Variants in MACF1 observed in about 807,000 individuals in gnomAD.
The protein encoded by MACF1 is microtubule-actin cross-linking factor 1.
MACF1 carries 193 observed loss-of-function variants against 854.8 expected under a neutral mutation model. The observed-to-expected ratio is 0.23, with a 90% confidence interval of 0.20 to 0.25. The LOEUF is 0.25. Among genes scored for constraint, MACF1 ranks in the 10% least tolerant of loss-of-function variants. The pLI is 1.00. For missense variants in MACF1, 7,722 were observed against 8,929.1 expected (o/e 0.86, Z 5.45); for synonymous variants, 3,185 against 3,226.7 (o/e 0.99, Z 0.44).
intron 52 of MACF1, among the ~76,000 whole-genome samples, chr1:39,377,097 G>C (rs1190657287): frequency 6.6e-6 from 1 of 151,986 alleles, no homozygotes; most frequent in Non-Finnish European, 1.5e-5. Context: ...TGCAACCTCT[G>C]CCTCCCGGGT....
In MACF1 at chr1:39,225,702, C is replaced by T. The variant is rs565756218; in HGVS notation, c.110-5480C>T. Among the ~76,000 whole-genome samples, 5 of 152,226 alleles carry T rather than the reference C, an allele frequency of 3.3e-5. No homozygotes were observed. In the South Asian group the frequency reaches 1.0e-3, roughly 32 times the overall value. On this transcript the variant is annotated intron_variant, in intron 1 of 100. Coordinates refer to ENST00000564288, the MANE Select transcript of MACF1 (RefSeq NM_001394062.1). ...TTGGTGGGGCTGAGATTATAAAGAA[C>T]ATTAAAATGAATATTGCCTTTTCTT... is the stretch of plus-strand genomic sequence containing the variant.
upstream of MACF1, among the ~76,000 whole-genome samples, chr1:39,201,333 A>G (rs536006452): frequency 1.3e-5 from 2 of 152,144 alleles, no homozygotes; most frequent in South Asian, 2.1e-4. Flanking sequence ...ATCTCTCAGT[A>G]GTATGATCTC....
At position 39,178,045 on chromosome 1, in the gene MACF1, A is replaced by G. The variant is rs562539896; in HGVS notation, c.221-53137A>G. Reference sequence around the variant, plus strand: ...CTGTCAGGGAAATCTTTAGGCTGTCAGGGAAATCTTTATTCCCCATTGTCT... The same window carrying G: ...CTGTCAGGGAAATCTTTAGGCTGTCGGGGAAATCTTTATTCCCCATTGTCT... On this transcript the variant is annotated intron_variant, in intron 2 of 93. Transcript: ENST00000361689. Among the ~76,000 whole-genome samples the G allele has an allele frequency of 2.0e-5, 3 of 151,930 alleles. No individual in the cohort carries two copies. In the South Asian group the frequency reaches 6.3e-4, roughly 32 times the overall value.
chr1:39,324,855 A>C, intron 35 of MACF1, 121 bp downstream of exon 35: 1 of 692,042 alleles, frequency 1.4e-6, no homozygotes, highest in South Asian at 2.0e-5. Context: ...GATTATGGGG[A>C]CCCTGTAGTT....
At chr1:39,411,411 C>G (rs1364504107) in intron 58 of MACF1, 2 of 1,614,056 alleles carry the variant, frequency 1.2e-6, no homozygotes, top group Non-Finnish European at 1.7e-6. Flanking sequence ...TAGCTGCTGT[C>G]TTGAGGACTT....
intron 2 of MACF1, among the ~76,000 whole-genome samples, chr1:39,123,859 G>A (rs556560359): frequency 6.6e-6 from 1 of 151,572 alleles, no homozygotes; most frequent in South Asian, 2.1e-4. Context: ...GAGTAGCTGG[G>A]GATTATAGGC....
chr1:39,111,436 G>T (rs1642401027), intron 2 of MACF1, among the ~76,000 whole-genome samples: 1 of 152,042 alleles, frequency 6.6e-6, no homozygotes, highest in African/African-American at 2.4e-5. Flanking sequence ...AGGCTGGAGT[G>T]CAGTGGTGCG....
At chr1:39,366,743 G>A (rs1648747134) in intron 49 of MACF1, among the ~76,000 whole-genome samples, 1 of 149,182 alleles carries the variant, frequency 6.7e-6, no homozygotes. Flanking sequence ...TATCCAGGCT[G>A]GAGTGCTATG....
chr1:39,460,614 C>T lies in MACF1; in HGVS notation c.21361-18C>T, dbSNP rs754710624. 4.3e-6 allele frequency: 7 copies of T among 1,613,372 alleles called. No homozygotes were observed. In the South Asian group the frequency reaches 7.7e-5, roughly 18 times the overall value. On this transcript the variant is annotated intron_variant, in intron 91 of 100. Coordinates refer to ENST00000564288, the MANE Select transcript of MACF1 (RefSeq NM_001394062.1). The surrounding 1 kb of genome is among the most constrained non-coding windows in gnomAD (Gnocchi z 4.1). The stretch of plus-strand genomic sequence containing the variant: ...GCCCAAAAAATAAATCTTATTGACA[C>T]TTCTGATTTCTGTGTAGTTGAAAGA...
At chr1:39,285,500 C>CT (rs75602935) in intron 13 of MACF1, 104 bp from the exon 14 acceptor site, 161,281 of 1,278,482 alleles carry the variant, frequency 0.13, 292 homozygotes, top group Non-Finnish European at 0.14. Flanking sequence ...TATTATTTCC[C>CT]TTTTTTTTTT....
At chr1:39,323,346 A>G (rs1646547456) in intron 33 of MACF1, among the ~76,000 whole-genome samples, 1 of 152,050 alleles carries the variant, frequency 6.6e-6, no homozygotes, top group South Asian at 2.1e-4. Context: ...AAAAAGCCCA[A>G]AATATCCCAC....
chr1:39,299,158 A>G, intron 21 of MACF1: 2 of 452,682 alleles, frequency 4.4e-6, no homozygotes, highest in Non-Finnish European at 8.9e-6. Context: ...GCTCTCAAGT[A>G]TGGAAATGTG....
intron 94 of MACF1, chr1:39,464,746 T>C (rs1190482339): frequency 4.2e-6 from 1 of 239,220 alleles, no homozygotes; most frequent in Non-Finnish European, 8.3e-6. Context: ...AAACACCCTC[T>C]CTACTAATAA....
intron 58 of MACF1, among the ~76,000 whole-genome samples, chr1:39,408,892 G>C (rs1642836665): frequency 6.6e-6 from 1 of 151,840 alleles, no homozygotes; most frequent in Non-Finnish European, 1.5e-5. Context: ...CCTCTCCACC[G>C]CTCCCTCCAC....
intron 58 of MACF1, among the ~76,000 whole-genome samples, chr1:39,404,141 A>ATAAGTAAGTAAG (rs199609612): frequency 2.9e-5 from 4 of 138,114 alleles, no homozygotes; most frequent in African/African-American, 1.2e-4. Flanking sequence ...AAATAAATAA[A>ATAAGTAAGTAAG]TAAGTAAGTA....
chr1:39,283,364 G>T lies in MACF1; in HGVS notation c.809-45G>T. The T allele has an allele frequency of 6.3e-7, 1 of 1,583,822 alleles. No homozygotes were observed. Among genetic ancestry groups the T allele is most frequent in the East Asian group, 2.2e-5 (1 of 44,704 alleles). Reference sequence around the variant, plus strand: ...TATTCAGTATTCCTTCTTCTGGCAAGTTCCTTTGTTCTGACTAAGAAATTT... The same window carrying T: ...TATTCAGTATTCCTTCTTCTGGCAATTTCCTTTGTTCTGACTAAGAAATTT... On this transcript the variant is annotated intron_variant, in intron 8 of 100. Transcript: ENST00000564288. This position sits in a 1 kb window ranked among gnomAD's most constrained non-coding sequence, Gnocchi z 4.5.
intron 2 of MACF1, among the ~76,000 whole-genome samples, chr1:39,115,614 A>G (rs184924293): frequency 6.6e-6 from 1 of 152,250 alleles, no homozygotes; most frequent in East Asian, 1.9e-4. Flanking sequence ...AGTTGGTTGT[A>G]ATGAACATGA....
intron 2 of MACF1, 51 bp downstream of exon 2, chr1:39,231,294 C>T: frequency 6.7e-7 from 1 of 1,493,292 alleles, no homozygotes; most frequent in Non-Finnish European, 9.3e-7. Flanking sequence ...CTGCTCTCAT[C>T]TGGATCTGTC....
rs1201801316 is a variant in MACF1, at chr1:39,483,101, A to AG, written c.22282-1500_22282-1499insG. ...GACTCTGTCTCAAAAAAAAAAAAAAAAAAAAAAAAAACACCCACACATTTA... is the reference window on the plus strand; with the variant it reads ...GACTCTGTCTCAAAAAAAAAAAAAAAGAAAAAAAAAAACACCCACACATTTA... On this transcript the variant is annotated intron_variant, in intron 99 of 100. Coordinates refer to ENST00000564288, the MANE Select transcript of MACF1 (RefSeq NM_001394062.1). 5.7e-4 allele frequency among the ~76,000 whole-genome samples: 84 copies of AG among 148,620 alleles called. 6 individuals are homozygous for AG. The highest frequency in any genetic ancestry group is 1.1e-3 in the South Asian group (5 of 4,740).
Sources: allele counts gnomAD v4.1 joint callset (sites outside exome capture counted in the v4.1 genomes callset), GRCh38; gene constraint gnomAD v4.1.1; non-coding constraint Gnocchi (gnomAD v3.1); transcripts MANE v1.5; gene names NCBI Gene and HGNC (gene_info 2026-07-23, HGNC 2026-07-21).